GALNTL6: variants seen among roughly 807,000 people sequenced by gnomAD.
GALNTL6 encodes the protein polypeptide N-acetylgalactosaminyltransferase-like 6.
A neutral mutation model predicts 73.7 loss-of-function variants in GALNTL6; 46 were observed. The ratio of observed to expected loss-of-function variants is 0.62; its 90% confidence interval spans 0.49 to 0.80. GALNTL6 has a LOEUF of 0.80. Ranked by LOEUF, GALNTL6 falls within the 30% of genes least tolerant of loss-of-function variation. GALNTL6 has a pLI of 0.00. For synonymous variants in GALNTL6, 259 were observed against 263.7 expected, an observed-to-expected ratio of 0.98 and a Z score of 0.17; for missense variants, 604 against 755.0, an observed-to-expected ratio of 0.80 and a Z score of 2.34.
chr4:172,324,662 CA>C (rs1740883504), intron 4 of GALNTL6, among the ~76,000 whole-genome samples: 1 of 150,506 alleles, frequency 6.6e-6, no homozygotes, highest in Non-Finnish European at 1.5e-5. Context: ...GAATATTTAC[CA>C]AAATAGAACA....
intron 5 of GALNTL6, among the ~76,000 whole-genome samples, chr4:172,364,212 C>T (rs566963502): frequency 6.6e-6 from 1 of 152,168 alleles, no homozygotes; most frequent in South Asian, 2.1e-4. Flanking sequence ...TTTTTGAGGC[C>T]AGAAGTTGGA....
chr4:171,930,952 C>G (rs1009181996), intron 2 of GALNTL6, among the ~76,000 whole-genome samples: 3 of 152,190 alleles, frequency 2.0e-5, no homozygotes, highest in Non-Finnish European at 2.9e-5. Context: ...GAAGGAAATA[C>G]AAGTCATCCA....
At chr4:172,435,417 A>G (rs1044698706) in intron 5 of GALNTL6, among the ~76,000 whole-genome samples, 1 of 152,092 alleles carries the variant, frequency 6.6e-6, no homozygotes. Flanking sequence ...TGCTGTAGAA[A>G]ACCCAGATCG....
chr4:172,248,996 G>C (rs1224977237), intron 3 of GALNTL6, among the ~76,000 whole-genome samples: 2 of 152,132 alleles, frequency 1.3e-5, no homozygotes, highest in Admixed American at 1.3e-4. Context: ...TGCAGAGAGT[G>C]GGGAGCTGCT....
At chr4:172,732,050 C>T (rs1004330063) in intron 5 of GALNTL6, among the ~76,000 whole-genome samples, 5 of 151,764 alleles carry the variant, frequency 3.3e-5, no homozygotes, top group African/African-American at 1.2e-4. Flanking sequence ...ATCAATTAGT[C>T]CTATTAGATC....
intron 2 of GALNTL6, among the ~76,000 whole-genome samples, chr4:172,146,906 T>C (rs1733941085): frequency 6.6e-6 from 1 of 152,206 alleles, no homozygotes; most frequent in African/African-American, 2.4e-5. Flanking sequence ...CAAGAAAAAC[T>C]GTAGTTTTGC....
At chr4:172,148,420 C>A (rs1348383261) in intron 2 of GALNTL6, among the ~76,000 whole-genome samples, 2 of 152,018 alleles carry the variant, frequency 1.3e-5, no homozygotes, top group Non-Finnish European at 2.9e-5. Context: ...TTAATAGCAA[C>A]CAAAAACGTA....
chr4:172,849,943 A>C lies in GALNTL6; in HGVS notation c.924-32847A>C, dbSNP rs544279603. Among the ~76,000 whole-genome samples the C allele has an allele frequency of 7.3e-5, 11 of 151,430 alleles. No individual in the cohort carries two copies. In the South Asian group the frequency reaches 1.9e-3, roughly 26 times the overall value. ...ATCTTTAACACTTGGCAAAAATGTCACTTAATTTCTTGCTGGAAAGGTGCG... is the reference window on the plus strand; with the variant it reads ...ATCTTTAACACTTGGCAAAAATGTCCCTTAATTTCTTGCTGGAAAGGTGCG... On this transcript the variant is annotated intron_variant, in intron 7 of 12. Coordinates refer to ENST00000506823, the MANE Select transcript of GALNTL6 (RefSeq NM_001034845.3).
At position 172,920,717 on chromosome 4, in the gene GALNTL6, G is replaced by A. The variant is rs184303270; in HGVS notation, c.1042-10444G>A. On this transcript the variant is annotated intron_variant, in intron 8 of 12. Coordinates refer to ENST00000506823, the MANE Select transcript of GALNTL6 (RefSeq NM_001034845.3). ...ATTTACATTTGAATGTATTATGATC[G>A]TAGCTGTTATTTTTAATGGCAGCTA... 1.5e-3 allele frequency among the ~76,000 whole-genome samples: 230 copies of A among 152,188 alleles called. 2 individuals carry two copies. The highest frequency in any genetic ancestry group is 6.8e-3 in the Middle Eastern group (2 of 294).
intron 10 of GALNTL6, among the ~76,000 whole-genome samples, chr4:172,960,269 AG>A (rs1749975271): frequency 6.6e-6 from 1 of 152,222 alleles, no homozygotes. Context: ...ATAAAGAAAA[AG>A]GAGCATTAAC....
intron 5 of GALNTL6, among the ~76,000 whole-genome samples, chr4:172,737,293 T>C (rs2111407313): frequency 6.6e-6 from 1 of 152,308 alleles, no homozygotes; most frequent in Non-Finnish European, 1.5e-5. Flanking sequence ...AGGTGGTCTT[T>C]ATTCCTTTTC....
chr4:172,517,909 A>G (rs986114573), intron 5 of GALNTL6, among the ~76,000 whole-genome samples: 2 of 152,072 alleles, frequency 1.3e-5, no homozygotes, highest in Non-Finnish European at 2.9e-5. Context: ...CATTTCAACC[A>G]TTCTATTGAT....
chr4:172,693,334 AT>A (rs1254757245), intron 5 of GALNTL6, among the ~76,000 whole-genome samples: 2 of 152,170 alleles, frequency 1.3e-5, no homozygotes, highest in Admixed American at 1.3e-4. Flanking sequence ...ATTTCTGCCT[AT>A]CTGGTCTTCC....
chr4:172,084,669 G>C (rs1731975031), intron 2 of GALNTL6, among the ~76,000 whole-genome samples: 1 of 151,580 alleles, frequency 6.6e-6, no homozygotes. Flanking sequence ...GTCTAGAAAT[G>C]TCATTTTTTT....
intron 7 of GALNTL6, among the ~76,000 whole-genome samples, chr4:172,826,505 G>A (rs914267556): frequency 2.0e-5 from 3 of 152,302 alleles, no homozygotes; most frequent in South Asian, 2.1e-4. Flanking sequence ...TCCAAACCAC[G>A]GGAAAGCAGC....
chr4:172,229,984 A>G (rs1736998294), intron 3 of GALNTL6, among the ~76,000 whole-genome samples: 1 of 152,164 alleles, frequency 6.6e-6, no homozygotes, highest in South Asian at 2.1e-4. Context: ...AAGTCATTAA[A>G]ATTTAAGAAA....
intron 10 of GALNTL6, among the ~76,000 whole-genome samples, chr4:172,988,806 T>C (rs937917578): frequency 6.6e-6 from 1 of 152,240 alleles, no homozygotes; most frequent in African/African-American, 2.4e-5. Flanking sequence ...CTCCAGAGGG[T>C]GCAAGCCCTA....
rs528526418 is a variant in GALNTL6, at chr4:172,470,072, A to G, written c.553+121383A>G. Among the ~76,000 whole-genome samples the G allele has an allele frequency of 1.1e-4, 16 of 152,328 alleles. No individual in the cohort carries two copies. In the South Asian group the frequency reaches 2.9e-3, roughly 28 times the overall value. ...TATTTAAAGAACTGTAAAGTTGTACACGGCATGGACTGATCCAGGTGTAGC... is the reference window on the plus strand; with the variant it reads ...TATTTAAAGAACTGTAAAGTTGTACGCGGCATGGACTGATCCAGGTGTAGC... On this transcript the variant is annotated intron_variant, in intron 5 of 12. Coordinates refer to ENST00000506823, the MANE Select transcript of GALNTL6 (RefSeq NM_001034845.3).
At chr4:172,732,974 G>C (rs1010467966) in intron 5 of GALNTL6, among the ~76,000 whole-genome samples, 3 of 152,152 alleles carry the variant, frequency 2.0e-5, no homozygotes, top group African/African-American at 7.2e-5. Context: ...TTTTATACTA[G>C]AGTTATAGGT....
Sources: gnomAD v4.1 joint callset for allele counts (sites outside exome capture counted in the v4.1 genomes callset) on GRCh38, gnomAD v4.1.1 for gene constraint, MANE v1.5 for transcripts, NCBI Gene and HGNC (gene_info 2026-07-23, HGNC 2026-07-21) for gene names.